Variants in PSMB7 observed in about 807,000 individuals in gnomAD.
PSMB7 encodes proteasome 20S subunit beta 7.
In PSMB7, 5 loss-of-function variants were observed where a neutral mutation model predicts 28.1. That is an observed-to-expected ratio of 0.18 (90% CI 0.09 to 0.37). The LOEUF (loss-of-function observed/expected upper bound fraction) is 0.37. PSMB7 is among the 10% of genes least tolerant of loss of function. The pLI is 1.00. For missense variants in PSMB7, 275 were observed against 346.2 expected, an observed-to-expected ratio of 0.79 and a Z score of 1.63; for synonymous variants, 122 against 123.7, an observed-to-expected ratio of 0.99 and a Z score of 0.09.
At chr9:124,392,842 G>A (rs1020752069) in intron 5 of PSMB7, among the ~76,000 whole-genome samples, 6 of 152,118 alleles carry the variant, frequency 3.9e-5, no homozygotes, top group African/African-American at 1.2e-4. Flanking sequence ...GCTAAAGAGC[G>A]GTCCATTTTA....
intron 5 of PSMB7, among the ~76,000 whole-genome samples, chr9:124,394,420 C>T (rs548135952): frequency 6.6e-6 from 1 of 152,280 alleles, no homozygotes; most frequent in African/African-American, 2.4e-5. Context: ...TAAAGATGAG[C>T]TGGTTAACCT....
At chr9:124,415,249 A>G in intron 1 of PSMB7, 115 bp downstream of exon 1, 1 of 1,190,004 alleles carries the variant, frequency 8.4e-7, no homozygotes, top group Non-Finnish European at 1.2e-6. Flanking sequence ...GCCGCGGGCC[A>G]CAGGCCCCGC....
chr9:124,377,995 G>C (rs901820304), intron 6 of PSMB7, among the ~76,000 whole-genome samples: 1 of 152,236 alleles, frequency 6.6e-6, no homozygotes, highest in Admixed American at 6.5e-5. Context: ...AAAAGGCAGA[G>C]AGCCAGAGCT....
Position 124,364,029 on chromosome 9 carries a change from T to C in PSMB7, c.571-7114A>G, listed in dbSNP as rs973539556. ...TGTCCAAGGAATAAAATGAGAGAAA[T>C]GACCCCAACACAGCAATTTCACAAA... On this transcript the variant is annotated intron_variant, in intron 6 of 7. Transcript: ENST00000259457. Among the ~76,000 whole-genome samples the C allele has an allele frequency of 1.1e-4, 17 of 152,190 alleles. No homozygotes were observed. In the East Asian group the frequency reaches 2.1e-3, roughly 19 times the overall value.
chr9:124,415,430 C>G lies in PSMB7; in HGVS notation c.-5G>C, dbSNP rs748458405. ...ATACACCGACACAGCCGCCATCTTC[C>G]CAAGAAAGCAGTTCCGGGTCGGAGG... On this transcript the variant is annotated 5_prime_UTR_variant, in exon 1 of 8. Transcript: ENST00000259457. 5 of 1,614,082 alleles carry G rather than the reference C, an allele frequency of 3.1e-6. No homozygotes were observed. In the East Asian group the frequency reaches 8.9e-5, roughly 29 times the overall value.
At chr9:124,411,040 A>G (rs527760413) in intron 4 of PSMB7, among the ~76,000 whole-genome samples, 1 of 150,738 alleles carries the variant, frequency 6.6e-6, no homozygotes, top group Admixed American at 6.6e-5. Flanking sequence ...CAGTGGCGTG[A>G]TCTTGGCTCA....
At chr9:124,369,879 G>A (rs964714354) in intron 6 of PSMB7, among the ~76,000 whole-genome samples, 5 of 152,076 alleles carry the variant, frequency 3.3e-5, no homozygotes, top group South Asian at 4.1e-4. Context: ...CTCTTCCGCC[G>A]TACCCCTACT....
chr9:124,400,111 C>G (rs996813034), intron 5 of PSMB7, among the ~76,000 whole-genome samples: 1 of 152,192 alleles, frequency 6.6e-6, no homozygotes, highest in Non-Finnish European at 1.5e-5. Context: ...GCCCCACCCC[C>G]ACTCACTGCT....
intron 5 of PSMB7, among the ~76,000 whole-genome samples, chr9:124,385,100 T>C (rs1830706167): frequency 6.6e-6 from 1 of 152,242 alleles, no homozygotes; most frequent in Admixed American, 6.5e-5. Flanking sequence ...TTTAATGAGC[T>C]GGCCCTGGTA....
intron 5 of PSMB7, among the ~76,000 whole-genome samples, chr9:124,389,254 A>G (rs1429396490): frequency 1.3e-5 from 2 of 152,218 alleles, no homozygotes; most frequent in Non-Finnish European, 2.9e-5. Flanking sequence ...GTGATATCAC[A>G]GGAGTGAATG....
chr9:124,394,808 C>G (rs780734305), intron 5 of PSMB7, among the ~76,000 whole-genome samples: 1 of 152,096 alleles, frequency 6.6e-6, no homozygotes, highest in Non-Finnish European at 1.5e-5. Flanking sequence ...TGGCTTAGTA[C>G]CACCTTTGCA....
At chr9:124,396,677 A>C in intron 5 of PSMB7, 2 of 439,316 alleles carry the variant, frequency 4.6e-6, no homozygotes, top group South Asian at 3.4e-5. Flanking sequence ...ATTTTCAGGA[A>C]TGTCATGCTT....
At chr9:124,353,892 T>C (rs1564673030) in intron 7 of PSMB7, among the ~76,000 whole-genome samples, 183 bp from the exon 8 acceptor site, 1 of 152,110 alleles carries the variant, frequency 6.6e-6, no homozygotes, top group Non-Finnish European at 1.5e-5. Flanking sequence ...TGCTGCAAAA[T>C]GGGGGTGCCT....
At chr9:124,382,508 G>C (rs935327632) in intron 6 of PSMB7, among the ~76,000 whole-genome samples, 1 of 152,006 alleles carries the variant, frequency 6.6e-6, no homozygotes, top group Non-Finnish European at 1.5e-5. Flanking sequence ...GCGCCCAGTC[G>C]AGACTCTGTC....
chr9:124,403,329 A>C, intron 5 of PSMB7, among the ~76,000 whole-genome samples: 1 of 152,142 alleles, frequency 6.6e-6, no homozygotes, highest in East Asian at 1.9e-4. Context: ...GTTCGAGACC[A>C]ACCTGGGCAA....
intron 5 of PSMB7, among the ~76,000 whole-genome samples, chr9:124,391,024 T>G (rs936206261): frequency 6.6e-6 from 1 of 152,210 alleles, no homozygotes; most frequent in East Asian, 1.9e-4. Flanking sequence ...ACAATCATCT[T>G]AATAATGAAG....
chr9:124,399,533 C>A (rs1368237649), intron 5 of PSMB7, among the ~76,000 whole-genome samples: 1 of 152,000 alleles, frequency 6.6e-6, no homozygotes, highest in Non-Finnish European at 1.5e-5. Flanking sequence ...CAGAGGAGGG[C>A]GAGGGGGCTG....
intron 6 of PSMB7, among the ~76,000 whole-genome samples, chr9:124,374,794 A>C (rs962811195): frequency 6.6e-6 from 1 of 152,176 alleles, no homozygotes; most frequent in African/African-American, 2.4e-5. Flanking sequence ...ACTGCACTCC[A>C]GTCTTAGCAA....
intron 6 of PSMB7, among the ~76,000 whole-genome samples, chr9:124,370,206 T>G (rs927813593): frequency 2.2e-4 from 33 of 148,558 alleles, no homozygotes; most frequent in Non-Finnish European, 4.3e-4. Flanking sequence ...GCCTTAGGAG[T>G]TTTTGAGAAA....
Sources: allele counts gnomAD v4.1 joint callset (sites outside exome capture counted in the v4.1 genomes callset), GRCh38; gene constraint gnomAD v4.1.1; transcripts MANE v1.5; gene names NCBI Gene and HGNC (gene_info 2026-07-23, HGNC 2026-07-21).